The following TTN variants were observed in gnomAD, a reference collection of about 807,000 sequenced individuals.
TTN encodes the protein connectin.
In TTN, 1,525 loss-of-function variants were observed where a neutral mutation model predicts 3,223.0. That is an observed-to-expected ratio of 0.47 (90% CI 0.45 to 0.49). TTN has a LOEUF of 0.49. Ranked by LOEUF, TTN falls within the 20% of genes least tolerant of loss-of-function variation. The pLI is 0.00. For synonymous variants in TTN, 14,094 were observed against 15,161.0 expected, an observed-to-expected ratio of 0.93 and a Z score of 5.17; for missense variants, 40,786 against 43,424.0, an observed-to-expected ratio of 0.94 and a Z score of 5.40.
In TTN at chr2:178,568,059, A is replaced by C. The variant is rs759173173; in HGVS notation, c.78073T>G (p.Tyr26025Asp). 1 of 1,613,396 alleles carries C rather than the reference A, an allele frequency of 6.2e-7. No homozygotes were observed. The highest frequency in any genetic ancestry group is 2.2e-5 in the East Asian group (1 of 44,774). Residue 26025 changes from tyrosine to aspartate, a missense_variant, in exon 326 of 363, where the codon TAC (tyrosine) becomes GAC (aspartate). By Grantham distance (160) the Tyr-to-Asp change is radical. Transcript: ENST00000589042. ...VNNGGSPVIG[Y>D]HLERKERNSI... is the part of the protein sequence containing the mutation. ...TTTCTTTCTTTTCTCTCCAGGTGGT[A>C]ACCTATGACGGGGCTTCCACCATTG... is the stretch of plus-strand genomic sequence containing the variant.
Position 178,546,904 on chromosome 2 carries a change from A to C in TTN, c.94524T>G (p.Asp31508Glu), listed in dbSNP as rs727505200. ...CTGTCACCTCTGGTCTGCCTGGTGC[A>C]TCTGGAAGGGATGCAAAAATAAGGT... ...SRPIMAQNPVDAPGRPEVTDV... is the reference protein window; with the variant it reads ...SRPIMAQNPVEAPGRPEVTDV... The change falls in exon 341 of 363, where the codon GAT becomes GAG. Residue 31508 changes from aspartate to glutamate, a missense_variant and splice_region_variant. Transcript: ENST00000589042. 1.7e-5 allele frequency: 27 copies of C among 1,579,276 alleles called. No individual in the cohort carries two copies. The highest frequency in any genetic ancestry group is 2.3e-5 in the Non-Finnish European group (27 of 1,160,674).
At chr2:178,761,325 G>A (rs2089147676) in intron 43 of TTN, among the ~76,000 whole-genome samples, 1 of 152,054 alleles carries the variant, frequency 6.6e-6, no homozygotes, top group African/African-American at 2.4e-5. Flanking sequence ...GTACCCAGGG[G>A]CTTAAAAATC....
At chr2:178,708,126 C>T (rs1404174579) in intron 99 of TTN, among the ~76,000 whole-genome samples, 3 of 152,174 alleles carry the variant, frequency 2.0e-5, no homozygotes, top group Admixed American at 6.5e-5. Flanking sequence ...ATATAGCACA[C>T]TATTAATTCT....
At chr2:178,538,871 C>T (rs1366396213) in intron 353 of TTN, 32 bp from the exon 354 acceptor site, 1 of 1,580,840 alleles carries the variant, frequency 6.3e-7, no homozygotes, top group African/African-American at 1.4e-5. Flanking sequence ...AAAAGGGAGT[C>T]AGCTTTACTG....
chr2:178,704,088 C>T, intron 106 of TTN, 59 bp downstream of exon 106: 1 of 1,576,666 alleles, frequency 6.3e-7, no homozygotes. Flanking sequence ...AGGGGTCCTG[C>T]ACAACATTTG....
At chr2:178,622,118 T>C (rs1042639853) in intron 243 of TTN, 110 bp from the exon 244 acceptor site, 2 of 1,053,504 alleles carry the variant, frequency 1.9e-6, no homozygotes, top group Admixed American at 2.8e-5. Context: ...CAAGACTTCA[T>C]AGTGTGAAGA....
In TTN at chr2:178,598,918, C is replaced by G; in HGVS notation, c.56792G>C (p.Trp18931Ser). The G allele has an allele frequency of 6.2e-7, 1 of 1,613,042 alleles. No individual in the cohort carries two copies. Among genetic ancestry groups the G allele is most frequent in the Non-Finnish European group, 8.5e-7 (1 of 1,179,500 alleles). ...GATAGGATCTCGGTTAACTCTCTTC[C>G]ATCTCTTTGAAGTGGTGTCTTTCAT... is the stretch of plus-strand genomic sequence containing the variant. ...LEMKDTTSKR[W>S]KRVNRDPIKA... is the part of the protein sequence containing the mutation. The change falls in exon 291 of 363, where the codon TGG (tryptophan) becomes TCG (serine). Residue 18931 changes from tryptophan to serine, a missense_variant. Coordinates refer to ENST00000589042, the MANE Select transcript of TTN (RefSeq NM_001267550.2).
Position 178,576,071 on chromosome 2 carries a change from A to G in TTN, c.70061T>C (p.Leu23354Pro). 1 of 1,613,516 alleles carries G rather than the reference A, an allele frequency of 6.2e-7. No individual in the cohort carries two copies. Among genetic ancestry groups the G allele is most frequent in the Non-Finnish European group, 8.5e-7 (1 of 1,179,596 alleles). Residue 23354 changes from leucine (L) to proline (P), a missense_variant, in exon 326 of 363, where the codon CTT becomes CCT. Coordinates refer to ENST00000589042, the MANE Select transcript of TTN (RefSeq NM_001267550.2). This position sits in a 1 kb window ranked among gnomAD's most constrained non-coding sequence, Gnocchi z 4.3. ...FELDAELRRT[L>P]VVRAGLSIRI... Reference sequence around the variant, plus strand: ...AATACTGAGTCCTGCTCTAACAACAAGTGTTCTTCGAAGCTCGGCATCTAG... The same window carrying G: ...AATACTGAGTCCTGCTCTAACAACAGGTGTTCTTCGAAGCTCGGCATCTAG...
At position 178,633,602 on chromosome 2, in the gene TTN, C is replaced by A; in HGVS notation, c.42757G>T (p.Glu14253Ter). 6.2e-7 allele frequency: 1 copy of A among 1,613,324 alleles called. No homozygotes were observed. Among genetic ancestry groups the A allele is most frequent in the Admixed American group, 1.7e-5 (1 of 59,970 alleles). ...TTCACTGGTACATCTTTGCTCACTT[C>A]ACACTTCAAAGTAATCTCATCCTTC... ...VEKDEITLKC[E>*]VSKDVPVKWF... is the part of the protein sequence containing the mutation. The change falls in exon 232 of 363, where the codon GAA becomes TAA. Residue 14253 changes from glutamate to a stop codon, truncating the protein, a stop_gained. Transcript: ENST00000589042. LOFTEE classifies it high-confidence loss of function.
At position 178,547,275 on chromosome 2, in the gene TTN, A is replaced by G. The variant is rs878947167; in HGVS notation, c.94250T>C (p.Val31417Ala). 5.0e-6 allele frequency: 8 copies of G among 1,612,990 alleles called. No homozygotes were observed. The highest frequency in any genetic ancestry group is 6.8e-6 in the Non-Finnish European group (8 of 1,179,148). The stretch of plus-strand genomic sequence containing the variant: ...CATGGCATTGGCAGACACATGGTAG[A>G]CCTCAGGTCTGGTAGGAGCGCTTGG... ...VPPSAPTRPE[V>A]YHVSANAMSI... The change falls in exon 340 of 363, where the codon GTC (valine) becomes GCC (alanine). Residue 31417 changes from valine (V) to alanine (A), a missense_variant. Transcript: ENST00000589042.
chr2:178,802,458 C>A (rs1471312283), intron 2 of TTN, 117 bp from the exon 3 acceptor site: 7 of 1,153,762 alleles, frequency 6.1e-6, no homozygotes, highest in African/African-American at 1.5e-5. Flanking sequence ...GCATGGAATG[C>A]CACTTAATGA....
chr2:178,569,671 A>G lies in TTN; in HGVS notation c.76461T>C (p.Ala25487=). The G allele has an allele frequency of 6.2e-7, 1 of 1,612,748 alleles. No homozygotes were observed. The change falls in exon 326 of 363, where the codon GCT becomes GCC. Residue 25487 remains alanine, a synonymous_variant. Coordinates refer to ENST00000589042, the MANE Select transcript of TTN (RefSeq NM_001267550.2). ...YNFRICAINK[A]GVGEHADVPG... is the part of the protein sequence containing the mutation. The stretch of plus-strand genomic sequence containing the variant: ...GGACGTCAGCATGTTCTCCAACTCC[A>G]GCTTTATTAATAGCACAGATACGGA...
In TTN at chr2:178,618,255, T is replaced by C. The variant is rs780694414; in HGVS notation, c.47203A>G (p.Arg15735Gly). The C allele has an allele frequency of 6.2e-7, 1 of 1,612,866 alleles. No individual in the cohort carries two copies. The highest frequency in any genetic ancestry group is 2.2e-5 in the East Asian group (1 of 44,760). ...GGCTCACCAGTGCCAACTCTGTTTC[T>C]TGCACTCACACGGAATAGGTACTCA... ...GVEYLFRVSA[R>G]NRVGTGEPVE... The change falls in exon 252 of 363, where the codon AGA becomes GGA. Residue 15735 changes from arginine (R) to glycine (G), a missense_variant. Coordinates refer to ENST00000589042, the MANE Select transcript of TTN (RefSeq NM_001267550.2).
intron 47 of TTN, chr2:178,749,468 C>G: frequency 1.2e-6 from 2 of 1,612,926 alleles, no homozygotes; most frequent in Non-Finnish European, 1.7e-6. Context: ...AGTCTCAAGG[C>G]TTTGAAAATA....
At position 178,777,271 on chromosome 2, in the gene TTN, A is replaced by G. The variant is rs1346959492; in HGVS notation, c.4692T>C (p.Asn1564=). The G allele has an allele frequency of 6.2e-7, 1 of 1,613,970 alleles. No homozygotes were observed. ...GTCGGGAACCTTCCTTTATATTGAC[A>G]TTTTTCAGTTTTTCTACAAACATCG... ...VKPMFVEKLK[N]VNIKEGSRLE... Residue 1564 remains asparagine, a synonymous_variant, in exon 27 of 363, where the codon AAT becomes AAC. Transcript: ENST00000589042.
At position 178,800,444 on chromosome 2, in the gene TTN, G is replaced by A; in HGVS notation, c.534C>T (p.Ala178=). Residue 178 remains alanine (A), a synonymous_variant, in exon 4 of 363, where the codon GCC becomes GCT. Transcript: ENST00000589042. ...AAGTAGCTCTTCCAACGCTATTGGT[G>A]GCATTTACTGAATAGGTCCCTGAGT... is the stretch of plus-strand genomic sequence containing the variant. ...PEDSGTYSVN[A]TNSVGRATST... The A allele has an allele frequency of 1.2e-6, 2 of 1,614,148 alleles. No homozygotes were observed. Among genetic ancestry groups the A allele is most frequent in the Non-Finnish European group, 1.7e-6 (2 of 1,180,000 alleles).
rs1319587121 is a variant in TTN, at chr2:178,757,586, G to A, written c.10634C>T (p.Ala3545Val). Reference protein sequence around the residue: ...GQYSCKAANSAGEATCAATLT... With the variant: ...GQYSCKAANSVGEATCAATLT... ...TGTAGCTGCACAAGTGGCTTCCCCAGCACTATTGGCTGCTTTGCAAGAGTA... is the reference window on the plus strand; with the variant it reads ...TGTAGCTGCACAAGTGGCTTCCCCAACACTATTGGCTGCTTTGCAAGAGTA... The change falls in exon 45 of 363, where the codon GCT (alanine) becomes GTT (valine). Residue 3545 changes from alanine (A) to valine (V), a missense_variant. Ala to Val is a moderately conservative substitution (Grantham distance 64). Coordinates refer to ENST00000589042, the MANE Select transcript of TTN (RefSeq NM_001267550.2). 3 of 1,604,874 alleles carry A rather than the reference G, an allele frequency of 1.9e-6. No individual in the cohort carries two copies. The highest frequency in any genetic ancestry group is 2.6e-6 in the Non-Finnish European group (3 of 1,173,584).
At position 178,564,649 on chromosome 2, in the gene TTN, C is replaced by T. The variant is rs776676417; in HGVS notation, c.81483G>A (p.Val27161=). ...NIVGIGKPSK[V]SECFVARDPC... ...GATCACGAGCAACAAAGCATTCTGA[C>T]ACTTTGCTAGGCTTGCCAATGCCAA... The change falls in exon 326 of 363, where the codon GTG becomes GTA. Residue 27161 remains valine (V), a synonymous_variant. Coordinates refer to ENST00000589042, the MANE Select transcript of TTN (RefSeq NM_001267550.2). 28 of 1,613,520 alleles carry T rather than the reference C, an allele frequency of 1.7e-5. No homozygotes were observed. The East Asian group carries it at 6.3e-4, about 36-fold the overall frequency.
chr2:178,704,530 C>T lies in TTN; in HGVS notation c.29942G>A (p.Ser9981Asn). Reference sequence around the variant, plus strand: ...CTTACCAATTACAGTTAGTTTAGCGCTAGCGATGTGTGGACCACAAACCAA... The same window carrying T: ...CTTACCAATTACAGTTAGTTTAGCGTTAGCGATGTGTGGACCACAAACCAA... Reference protein sequence around the residue: ...YRLVCGPHIASAKLTVIEPAW... With the variant: ...YRLVCGPHIANAKLTVIEPAW... Residue 9981 changes from serine (S) to asparagine (N), a missense_variant, in exon 105 of 363, where the codon AGC becomes AAC. Coordinates refer to ENST00000589042, the MANE Select transcript of TTN (RefSeq NM_001267550.2). The T allele has an allele frequency of 1.9e-6, 3 of 1,610,852 alleles. No homozygotes were observed. Among genetic ancestry groups the T allele is most frequent in the Non-Finnish European group, 2.5e-6 (3 of 1,178,182 alleles).
Sources: allele counts gnomAD v4.1 joint callset (sites outside exome capture counted in the v4.1 genomes callset), GRCh38; gene constraint gnomAD v4.1.1; non-coding constraint Gnocchi (gnomAD v3.1); transcripts MANE v1.5; gene names NCBI Gene and HGNC (gene_info 2026-07-23, HGNC 2026-07-21).